Variants in NEGR1 observed in about 807,000 individuals in gnomAD.
NEGR1 encodes neuronal growth regulator 1.
Under a neutral mutation model 40.9 loss-of-function variants are expected in NEGR1, and 10 were observed. The ratio of observed to expected loss-of-function variants is 0.24; its 90% CI spans 0.15 to 0.42. The LOEUF (loss-of-function observed/expected upper bound fraction) is 0.42, where lower values mean the gene tolerates loss of function less well. NEGR1 is among the 10% of genes least tolerant of loss of function. NEGR1 has a pLI of 1.00. For synonymous variants in NEGR1, 185 were observed against 166.8 expected (o/e 1.11, Z -0.84); for missense variants, 352 against 438.9 (o/e 0.80, Z 1.77).
intron 2 of NEGR1, among the ~76,000 whole-genome samples, chr1:71,899,201 T>C (rs934558337): frequency 2.0e-5 from 3 of 151,388 alleles, no homozygotes; most frequent in Non-Finnish European, 4.4e-5. Context: ...GTATTTTTCA[T>C]TGGTTTCTGA....
chr1:71,417,511 CATAA>C (rs1426558810), intron 6 of NEGR1, among the ~76,000 whole-genome samples: 3 of 152,034 alleles, frequency 2.0e-5, no homozygotes, highest in Non-Finnish European at 4.4e-5. Context: ...GACATCATAC[CATAA>C]ATATAGAGTT....
chr1:71,557,208 A>T (rs1393283632), intron 6 of NEGR1, among the ~76,000 whole-genome samples: 1 of 151,634 alleles, frequency 6.6e-6, no homozygotes, highest in Non-Finnish European at 1.5e-5. Context: ...GGTAGAGCAC[A>T]TGTGAGAAAC....
At position 72,081,656 on chromosome 1, in the gene NEGR1, T is replaced by TTGAATGAA. The variant is rs1403661709; in HGVS notation, c.177-146353_177-146346dup. The stretch of plus-strand genomic sequence containing the variant: ...CCAGCACTCAAGAGGTGAATATTAA[T>TTGAATGAA]TGAATGAATGAATAAATGAAGGAGT... On this transcript the variant is annotated intron_variant, in intron 1 of 6. Transcript: ENST00000357731. 6.6e-5 allele frequency among the ~76,000 whole-genome samples: 10 copies of TTGAATGAA among 152,094 alleles called. No individual in the cohort carries two copies. The South Asian group carries it at 2.1e-3, about 32-fold the overall frequency.
chr1:71,745,057 C>A (rs1050061021), intron 3 of NEGR1, among the ~76,000 whole-genome samples: 1 of 152,126 alleles, frequency 6.6e-6, no homozygotes, highest in Non-Finnish European at 1.5e-5. Flanking sequence ...GGTTTATAAG[C>A]TTTATCTTAT....
At chr1:71,886,457 GA>G (rs1383394683) in intron 2 of NEGR1, among the ~76,000 whole-genome samples, 213 of 139,168 alleles carry the variant, frequency 1.5e-3, no homozygotes, top group Middle Eastern at 3.8e-3. Context: ...GTTTATGGGG[GA>G]AAAAAAAAAA....
At chr1:71,834,370 C>T (rs1658942044) in intron 2 of NEGR1, among the ~76,000 whole-genome samples, 2 of 151,944 alleles carry the variant, frequency 1.3e-5, no homozygotes, top group Non-Finnish European at 2.9e-5. Context: ...AAATTGACCT[C>T]CCCAGTGTGG....
intron 2 of NEGR1, among the ~76,000 whole-genome samples, chr1:71,824,956 T>C (rs78641130): frequency 0.029 from 4,345 of 152,054 alleles, 204 homozygotes; most frequent in African/African-American, 0.099. Context: ...ATTAGACTGC[T>C]TTTGTTATTC....
intron 6 of NEGR1, among the ~76,000 whole-genome samples, chr1:71,546,824 C>A (rs142335145): frequency 1.0e-3 from 155 of 151,622 alleles, no homozygotes; most frequent in African/African-American, 3.6e-3. Flanking sequence ...GAAAAGAAAG[C>A]CTGCAGGACT....
chr1:71,758,329 T>C (rs569582314), intron 3 of NEGR1, among the ~76,000 whole-genome samples: 2 of 152,142 alleles, frequency 1.3e-5, no homozygotes, highest in Non-Finnish European at 2.9e-5. Flanking sequence ...ATACATTTAT[T>C]AGTCACATTA....
chr1:71,786,988 C>CA (rs1431888956), intron 2 of NEGR1, among the ~76,000 whole-genome samples: 3 of 152,176 alleles, frequency 2.0e-5, no homozygotes, highest in Non-Finnish European at 2.9e-5. Context: ...GTGGAGGCAC[C>CA]ACATGCGGTC....
At chr1:71,819,600 GAGAT>G (rs1392738146) in intron 2 of NEGR1, among the ~76,000 whole-genome samples, 2 of 151,890 alleles carry the variant, frequency 1.3e-5, no homozygotes, top group Non-Finnish European at 2.9e-5. Flanking sequence ...AAAGAACAAA[GAGAT>G]AGAAAAGAAA....
At chr1:71,415,631 G>T (rs72674970) in intron 6 of NEGR1, among the ~76,000 whole-genome samples, 1 of 151,950 alleles carries the variant, frequency 6.6e-6, no homozygotes, top group African/African-American at 2.4e-5. Flanking sequence ...AACAAATACC[G>T]CTATCTTTTA....
chr1:71,457,420 C>T (rs1489160083), intron 6 of NEGR1, among the ~76,000 whole-genome samples: 1 of 152,158 alleles, frequency 6.6e-6, no homozygotes, highest in African/African-American at 2.4e-5. Flanking sequence ...GATAGATCTG[C>T]CCATGACACC....
At chr1:71,759,251 T>C (rs1002285152) in intron 3 of NEGR1, among the ~76,000 whole-genome samples, 3 of 147,746 alleles carry the variant, frequency 2.0e-5, no homozygotes, top group Non-Finnish European at 3.0e-5. Flanking sequence ...ATGAAATTTA[T>C]AACCAAAGTA....
At chr1:71,670,498 A>T (rs898944810) in intron 4 of NEGR1, among the ~76,000 whole-genome samples, 3 of 151,960 alleles carry the variant, frequency 2.0e-5, no homozygotes, top group African/African-American at 7.2e-5. Context: ...ATGTCTTCCA[A>T]CAATTTTGAA....
At chr1:72,021,214 G>GA (rs1316164514) in intron 1 of NEGR1, among the ~76,000 whole-genome samples, 1 of 151,928 alleles carries the variant, frequency 6.6e-6, no homozygotes, top group Non-Finnish European at 1.5e-5. Flanking sequence ...ACAGTTAAGA[G>GA]AAAAAAGAAC....
intron 1 of NEGR1, among the ~76,000 whole-genome samples, chr1:72,054,021 C>T (rs564549873): frequency 6.0e-5 from 9 of 150,986 alleles, no homozygotes; most frequent in Non-Finnish European, 8.9e-5. Context: ...TAAGGTGAGA[C>T]GATAGGATCT....
chr1:72,125,892 G>C (rs893713267), intron 1 of NEGR1, among the ~76,000 whole-genome samples: 3 of 152,140 alleles, frequency 2.0e-5, no homozygotes, highest in Non-Finnish European at 4.4e-5. Context: ...ACACAGGAAA[G>C]AACAGAAGCC....
intron 2 of NEGR1, among the ~76,000 whole-genome samples, chr1:71,929,493 T>C (rs995972702): frequency 5.9e-5 from 9 of 152,154 alleles, no homozygotes; most frequent in Admixed American, 1.3e-4. Context: ...CAGGTAAAAA[T>C]AGATCCTGAA....
Sources: gnomAD v4.1 joint callset for allele counts (sites outside exome capture counted in the v4.1 genomes callset) on GRCh38, gnomAD v4.1.1 for gene constraint, MANE v1.5 for transcripts, NCBI Gene and HGNC (gene_info 2026-07-23, HGNC 2026-07-21) for gene names.